PCDH15: variants seen among roughly 807,000 people sequenced by gnomAD.
PCDH15 encodes protocadherin-15.
PCDH15 carries 129 observed loss-of-function variants against 178.5 expected under a neutral mutation model. That is an observed-to-expected ratio of 0.72 (90% CI 0.63 to 0.84). The LOEUF is 0.84. Ranked by LOEUF, PCDH15 falls within the 40% of genes least tolerant of loss-of-function variation. The pLI is 0.00. For missense variants in PCDH15, 2,230 were observed against 2,099.9 expected (o/e 1.06, Z -1.21); for synonymous variants, 800 against 732.0 (o/e 1.09, Z -1.50).
intron 2 of PCDH15, among the ~76,000 whole-genome samples, chr10:54,608,670 A>G (rs1012852965): frequency 1.3e-5 from 2 of 152,050 alleles, no homozygotes; most frequent in Non-Finnish European, 2.9e-5. Flanking sequence ...TAGTCTGGTA[A>G]TATTCGTCAA....
intron 1 of PCDH15, among the ~76,000 whole-genome samples, chr10:55,235,906 CAAAAAAAAAAA>C (rs144784085): frequency 2.6e-5 from 3 of 115,692 alleles, no homozygotes; most frequent in Non-Finnish European, 5.3e-5. Flanking sequence ...GACTCCATGT[CAAAAAAAAAAA>C]AAAAAAAAAA....
chr10:53,897,639 G>A (rs1379025676), intron 26 of PCDH15, among the ~76,000 whole-genome samples: 7 of 152,044 alleles, frequency 4.6e-5, no homozygotes, highest in Admixed American at 3.3e-4. Context: ...TGCTCAAAAC[G>A]TCTTCTTCTT....
At chr10:54,558,217 A>C (rs1393662719) in intron 2 of PCDH15, among the ~76,000 whole-genome samples, 1 of 152,154 alleles carries the variant, frequency 6.6e-6, no homozygotes, top group Non-Finnish European at 1.5e-5. Flanking sequence ...CTGAGAAATA[A>C]GAAACCACCT....
At chr10:54,529,003 T>G (rs2083637509) in intron 2 of PCDH15, among the ~76,000 whole-genome samples, 2 of 152,044 alleles carry the variant, frequency 1.3e-5, no homozygotes. Flanking sequence ...GGCACACTCC[T>G]GTACAGCAGT....
chr10:55,246,642 C>G (rs2044319), intron 1 of PCDH15, among the ~76,000 whole-genome samples: 15,637 of 152,092 alleles, frequency 0.1, 887 homozygotes, highest in African/African-American at 0.14. Context: ...CAACAAGGTA[C>G]GCAAGCCACT....
intron 1 of PCDH15, among the ~76,000 whole-genome samples, chr10:55,277,453 A>T (rs1174191924): frequency 6.6e-6 from 1 of 152,100 alleles, no homozygotes; most frequent in African/African-American, 2.4e-5. Context: ...GGCACACCTT[A>T]GTTCTTGTAA....
chr10:54,869,417 C>T (rs1011976723), intron 3 of PCDH15, among the ~76,000 whole-genome samples: 4 of 152,142 alleles, frequency 2.6e-5, no homozygotes, highest in East Asian at 1.9e-4. Flanking sequence ...TTGGTCATTA[C>T]AGCAGCCCTG....
Position 53,981,164 on chromosome 10 carries a change from T to C in PCDH15, c.2868+14485A>G, listed in dbSNP as rs78952442. The stretch of plus-strand genomic sequence containing the variant: ...AGTAATAAGGCGAGAATAATTAATA[T>C]AGCAGAATGAATGTAAATTTACACC... On this transcript the variant is annotated intron_variant, in intron 21 of 37. Coordinates refer to ENST00000644397, the MANE Select transcript of PCDH15 (RefSeq NM_001384140.1). Among the ~76,000 whole-genome samples the C allele has an allele frequency of 7.4e-3, 1,126 of 152,306 alleles. 14 individuals are homozygous for C. The highest frequency in any genetic ancestry group is 0.023 in the African/African-American group (948 of 41,562).
At chr10:54,103,478 A>T (rs912322637) in intron 15 of PCDH15, among the ~76,000 whole-genome samples, 5 of 152,188 alleles carry the variant, frequency 3.3e-5, no homozygotes, top group African/African-American at 1.2e-4. Flanking sequence ...TTGATCTGAC[A>T]TACAGAGAAG....
chr10:54,552,667 G>A (rs980569364), intron 2 of PCDH15, among the ~76,000 whole-genome samples: 2 of 152,106 alleles, frequency 1.3e-5, no homozygotes, highest in South Asian at 4.1e-4. Context: ...AAATAATGCA[G>A]TTGTGAAACA....
chr10:54,283,032 T>C (rs1213326757), intron 8 of PCDH15, among the ~76,000 whole-genome samples: 1 of 152,084 alleles, frequency 6.6e-6, no homozygotes, highest in African/African-American at 2.4e-5. Context: ...AGTAGGGATA[T>C]ATAGAAAATT....
intron 2 of PCDH15, among the ~76,000 whole-genome samples, chr10:55,420,160 A>C (rs1838586018): frequency 6.6e-6 from 1 of 151,736 alleles, no homozygotes; most frequent in Non-Finnish European, 1.5e-5. Flanking sequence ...TCAAAAGAAT[A>C]TTTAATTACA....
chr10:53,822,375 G>T lies in PCDH15; in HGVS notation c.4368-2145C>A, dbSNP rs750100016. The T allele has an allele frequency of 1.1e-5, 17 of 1,571,614 alleles. No individual in the cohort carries two copies. The highest frequency in any genetic ancestry group is 1.9e-5 in the Admixed American group (1 of 52,926). Reference sequence around the variant, plus strand: ...AGGAGGAAGAGGAAGAGGGATAGAAGGAGGAGAGGGAGGAGGACAAAAAAG... The same window carrying T: ...AGGAGGAAGAGGAAGAGGGATAGAATGAGGAGAGGGAGGAGGACAAAAAAG... On this transcript the variant is annotated intron_variant, in intron 32 of 37. Coordinates refer to ENST00000644397, the MANE Select transcript of PCDH15 (RefSeq NM_001384140.1).
At chr10:53,947,841 A>G (rs1366853074) in intron 23 of PCDH15, among the ~76,000 whole-genome samples, 1 of 152,208 alleles carries the variant, frequency 6.6e-6, no homozygotes, top group African/African-American at 2.4e-5. Flanking sequence ...CATCTGGAGG[A>G]TACAAAAACT....
intron 1 of PCDH15, among the ~76,000 whole-genome samples, chr10:54,694,135 AT>A (rs2095178987): frequency 6.6e-6 from 1 of 152,096 alleles, no homozygotes; most frequent in Non-Finnish European, 1.5e-5. Flanking sequence ...ATAAGAATTG[AT>A]TTTTCTGTTA....
chr10:54,511,038 T>A (rs945324618), intron 3 of PCDH15, among the ~76,000 whole-genome samples: 2 of 152,196 alleles, frequency 1.3e-5, no homozygotes, highest in Admixed American at 1.3e-4. Context: ...ATGCGTCACC[T>A]TGGAAAGAAG....
At chr10:55,069,986 G>A (rs1841684428) in intron 2 of PCDH15, among the ~76,000 whole-genome samples, 1 of 152,008 alleles carries the variant, frequency 6.6e-6, no homozygotes, top group Non-Finnish European at 1.5e-5. Context: ...GGTGTGAGAT[G>A]GTATCTCATT....
intron 1 of PCDH15, among the ~76,000 whole-genome samples, chr10:55,216,155 T>C (rs1031032748): frequency 4.6e-5 from 7 of 151,838 alleles, no homozygotes; most frequent in African/African-American, 1.7e-4. Flanking sequence ...TGGCATAGAA[T>C]AGGTGCTCAA....
chr10:55,439,884 A>T (rs1008512376), intron 2 of PCDH15, among the ~76,000 whole-genome samples: 3 of 152,156 alleles, frequency 2.0e-5, no homozygotes, highest in Admixed American at 6.5e-5. Flanking sequence ...AAAGTAAAAT[A>T]AAACTCTAAA....
Sources: allele counts gnomAD v4.1 joint callset (sites outside exome capture counted in the v4.1 genomes callset), GRCh38; gene constraint gnomAD v4.1.1; transcripts MANE v1.5; gene names NCBI Gene and HGNC (gene_info 2026-07-23, HGNC 2026-07-21).